The following G3BP2 variants were observed in gnomAD, a reference collection of about 807,000 sequenced individuals.
G3BP2 encodes the protein ras GTPase-activating protein-binding protein 2.
In G3BP2, 11 loss-of-function variants were observed where a neutral mutation model predicts 56.7. The observed-to-expected ratio is 0.19, with a 90% CI of 0.12 to 0.32. The LOEUF (loss-of-function observed/expected upper bound fraction) is 0.32, where lower values mean the gene tolerates loss of function less well. G3BP2 is among the 10% of genes least tolerant of loss of function. The pLI, the probability that G3BP2 is intolerant of heterozygous loss-of-function variation, is 1.00. For synonymous variants in G3BP2, 165 were observed against 191.6 expected (o/e 0.86, Z 1.15); for missense variants, 340 against 610.9 (o/e 0.56, Z 4.67).
intron 3 of G3BP2, among the ~76,000 whole-genome samples, chr4:75,707,225 C>T (rs1719584063): frequency 6.8e-6 from 1 of 146,900 alleles, no homozygotes; most frequent in Non-Finnish European, 1.5e-5. Flanking sequence ...TAATAAAAGA[C>T]AGGTATGTAC....
At chr4:75,675,995 T>A (rs1260907260), upstream of G3BP2, among the ~76,000 whole-genome samples, 1 of 152,250 alleles carries the variant, frequency 6.6e-6, no homozygotes, top group East Asian at 1.9e-4. Flanking sequence ...CAGGTAACCC[T>A]GCTCTTGAGT....
intron 3 of G3BP2, among the ~76,000 whole-genome samples, chr4:75,708,611 C>G (rs986242600): frequency 3.3e-5 from 5 of 152,278 alleles, no homozygotes; most frequent in African/African-American, 1.2e-4. Context: ...GTCCATACAT[C>G]TTGGGGAATA....
At chr4:75,675,267 G>A (rs1178872048), upstream of G3BP2, among the ~76,000 whole-genome samples, 1 of 152,172 alleles carries the variant, frequency 6.6e-6, no homozygotes, top group Non-Finnish European at 1.5e-5. Context: ...GCTCTTCCGT[G>A]CAATGCTATT....
chr4:75,672,106 A>C (rs2149044907), intron 1 of G3BP2, among the ~76,000 whole-genome samples: 1 of 152,322 alleles, frequency 6.6e-6, no homozygotes, highest in Admixed American at 6.5e-5. Context: ...AATATCCCAC[A>C]ACAATCATAC....
At chr4:75,703,940 T>C (rs114515767) in intron 3 of G3BP2, among the ~76,000 whole-genome samples, 2,076 of 152,278 alleles carry the variant, frequency 0.014, 46 homozygotes, top group African/African-American at 0.047. Flanking sequence ...TCAGAGTAAA[T>C]GCTTCTTTTG....
At chr4:75,709,042 G>T (rs1202747799) in intron 3 of G3BP2, among the ~76,000 whole-genome samples, 1 of 151,954 alleles carries the variant, frequency 6.6e-6, no homozygotes, top group Non-Finnish European at 1.5e-5. Context: ...TCCAGGAGTT[G>T]GGAGCTAAAG....
intron 1 of G3BP2, among the ~76,000 whole-genome samples, chr4:75,664,314 C>T (rs1174293740): frequency 6.6e-6 from 1 of 151,982 alleles, no homozygotes; most frequent in African/African-American, 2.4e-5. Flanking sequence ...CGGTGGCTGA[C>T]GCCTGTAATC....
upstream of G3BP2, among the ~76,000 whole-genome samples, chr4:75,675,705 T>G (rs2017607): frequency 0.15 from 22,549 of 152,068 alleles, 2,230 homozygotes; most frequent in African/African-American, 0.28. Flanking sequence ...GGCAGGAGAA[T>G]CGCTTGAACC....
At chr4:75,716,318 T>C (rs1017119119) in intron 3 of G3BP2, among the ~76,000 whole-genome samples, 1 of 150,880 alleles carries the variant, frequency 6.6e-6, no homozygotes, top group Non-Finnish European at 1.5e-5. Context: ...TACAGGCACG[T>C]GCCATGATGC....
intron 2 of G3BP2, among the ~76,000 whole-genome samples, chr4:75,659,640 C>T (rs1732394360): frequency 6.6e-6 from 1 of 152,140 alleles, no homozygotes; most frequent in South Asian, 2.1e-4. Context: ...TTCCTTTATG[C>T]TAAGCAATGT....
At chr4:75,662,074 C>G in intron 1 of G3BP2, 25 bp from the exon 2 acceptor site, 1 of 1,289,904 alleles carries the variant, frequency 7.8e-7, no homozygotes, top group East Asian at 2.3e-5. Context: ...ACAAGAATAA[C>G]TATTAAAAAG....
intron 2 of G3BP2, among the ~76,000 whole-genome samples, chr4:75,721,451 T>C (rs2149125320): frequency 6.6e-6 from 1 of 151,716 alleles, no homozygotes. Context: ...AGAGACAGGG[T>C]TTTGCCACAT....
chr4:75,656,469 T>G (rs1461587597), intron 5 of G3BP2, among the ~76,000 whole-genome samples: 1 of 152,146 alleles, frequency 6.6e-6, no homozygotes, highest in African/African-American at 2.4e-5. Flanking sequence ...TTGTAACATA[T>G]ATTTAATAGA....
At chr4:75,684,654 T>C (rs1198671417) in intron 3 of G3BP2, among the ~76,000 whole-genome samples, 1 of 152,088 alleles carries the variant, frequency 6.6e-6, no homozygotes, top group African/African-American at 2.4e-5. Context: ...CAGGTGATCC[T>C]CCCACCTTAG....
At chr4:75,654,200 A>G (rs1578386742) in intron 7 of G3BP2, 119 bp from the exon 8 acceptor site, 1 of 572,832 alleles carries the variant, frequency 1.7e-6, no homozygotes, top group African/African-American at 1.9e-5. Flanking sequence ...ATATTGGAAG[A>G]CTCCTAAAAG....
intron 3 of G3BP2, among the ~76,000 whole-genome samples, chr4:75,704,474 T>A (rs1458503728): frequency 6.7e-6 from 1 of 149,318 alleles, no homozygotes; most frequent in African/African-American, 2.4e-5. Flanking sequence ...TGAGCCACCA[T>A]GCCCAGGTAA....
intron 5 of G3BP2, among the ~76,000 whole-genome samples, chr4:75,656,452 G>C: frequency 6.6e-6 from 1 of 152,164 alleles, no homozygotes; most frequent in East Asian, 1.9e-4. Flanking sequence ...CCACAATTTA[G>C]CTTCCTTTGT....
At chr4:75,650,205 C>A (rs779606420) in intron 8 of G3BP2, among the ~76,000 whole-genome samples, 2 of 151,542 alleles carry the variant, frequency 1.3e-5, no homozygotes, top group Non-Finnish European at 2.9e-5. Flanking sequence ...GAGGCCGAGG[C>A]GGGCAGATCA....
chr4:75,643,316 T>C lies in G3BP2; in HGVS notation c.*2114A>G, dbSNP rs1463217395. The C allele has an allele frequency of 4.4e-5, 6 of 134,976 alleles. 1 individual carries two copies. Among genetic ancestry groups the C allele is most frequent in the Non-Finnish European group, 9.7e-5 (6 of 61,948 alleles). 8.4% of individuals were successfully genotyped at this position (134,976 alleles called of 1,614,324 possible). On this transcript the variant is annotated 3_prime_UTR_variant, in exon 12 of 12. Transcript: ENST00000359707. The stretch of plus-strand genomic sequence containing the variant: ...GAAATTATATATATATATATATATA[T>C]GGAAACAGAAATACAAGAAAATATG...
Sources: gnomAD v4.1 joint callset for allele counts (sites outside exome capture counted in the v4.1 genomes callset) on GRCh38, gnomAD v4.1.1 for gene constraint, MANE v1.5 for transcripts, NCBI Gene and HGNC (gene_info 2026-07-23, HGNC 2026-07-21) for gene names.